The following BRINP3 variants were observed in gnomAD, a reference collection of about 807,000 sequenced individuals.
The protein encoded by BRINP3 is BMP/retinoic acid inducible neural specific 3, also known as BMP/retinoic acid-inducible neural-specific protein 3.
A neutral mutation model predicts 71.0 loss-of-function variants in BRINP3; 19 were observed. The ratio of observed to expected loss-of-function variants is 0.27; its 90% CI spans 0.19 to 0.39. BRINP3 has a LOEUF of 0.39. Among genes scored for constraint, BRINP3 ranks in the 10% least tolerant of loss-of-function variants. The pLI, the probability that BRINP3 is intolerant of heterozygous loss-of-function variation, is 1.00. For missense variants in BRINP3, 959 were observed against 940.8 expected, an observed-to-expected ratio of 1.02 and a Z score of -0.25; for synonymous variants, 380 against 337.7, an observed-to-expected ratio of 1.13 and a Z score of -1.37.
rs150493130 is a variant in BRINP3 at position 190,441,585 on chromosome 1, C to A, written c.236+13070G>T. On this transcript the variant is annotated intron_variant, in intron 2 of 7. Coordinates refer to ENST00000367462, the MANE Select transcript of BRINP3 (RefSeq NM_199051.3). ...TCTGCTAAGATATTTGTCAGTGATG[C>A]AAATGAATACATAGGAGCTATTCCT... Among the ~76,000 whole-genome samples, 248 of 152,028 alleles carry A rather than the reference C, an allele frequency of 1.6e-3. 2 individuals are homozygous for A. Among genetic ancestry groups the A allele is most frequent in the Admixed American group, 0.014 (216 of 15,278 alleles).
At chr1:190,476,586 C>T (rs1677518619) in intron 1 of BRINP3, among the ~76,000 whole-genome samples, 2 of 152,176 alleles carry the variant, frequency 1.3e-5, no homozygotes, top group South Asian at 4.1e-4. Context: ...ACCATATTAA[C>T]ATGCCTATTA....
chr1:190,440,661 A>T (rs1260184843), intron 2 of BRINP3, among the ~76,000 whole-genome samples: 1 of 152,016 alleles, frequency 6.6e-6, no homozygotes, highest in Non-Finnish European at 1.5e-5. Context: ...GGTCGATAAA[A>T]GCATGAAACC....
chr1:190,121,044 T>C (rs1322582062), intron 7 of BRINP3, among the ~76,000 whole-genome samples: 1 of 152,140 alleles, frequency 6.6e-6, no homozygotes, highest in Non-Finnish European at 1.5e-5. Flanking sequence ...GCACAACATG[T>C]TGTCAACCAA....
intron 7 of BRINP3, among the ~76,000 whole-genome samples, chr1:190,153,797 G>T (rs1571856312): frequency 6.6e-6 from 1 of 152,114 alleles, no homozygotes; most frequent in South Asian, 2.1e-4. Flanking sequence ...GGATGTCAAG[G>T]CCACAGTGAG....
At chr1:190,169,200 G>A (rs1003390595) in intron 6 of BRINP3, among the ~76,000 whole-genome samples, 6 of 152,132 alleles carry the variant, frequency 3.9e-5, no homozygotes, top group African/African-American at 1.4e-4. Context: ...AGAGTCTGGT[G>A]ATTCTGTGCA....
At chr1:190,104,631 A>C (rs1651984966) in intron 7 of BRINP3, among the ~76,000 whole-genome samples, 1 of 152,022 alleles carries the variant, frequency 6.6e-6, no homozygotes, top group Non-Finnish European at 1.5e-5. Context: ...CATGATCAAG[A>C]CTATATTGAA....
intron 2 of BRINP3, among the ~76,000 whole-genome samples, chr1:190,426,855 C>A (rs1673740833): frequency 6.6e-6 from 1 of 151,716 alleles, no homozygotes; most frequent in African/African-American, 2.4e-5. Context: ...AAGCAAGTTA[C>A]TTAACTTTCT....
In BRINP3 at chr1:190,431,198, C is replaced by T. The variant is rs1674075270; in HGVS notation, c.236+23457G>A. Among the ~76,000 whole-genome samples, 3 of 152,058 alleles carry T rather than the reference C, an allele frequency of 2.0e-5. No homozygotes were observed. In the South Asian group the frequency reaches 6.2e-4, roughly 32 times the overall value. ...AAATGTAATGAAAATTTGACTAATA[C>T]ATTTAGTATGGCTATTGCTTAATTA... is the stretch of plus-strand genomic sequence containing the variant. On this transcript the variant is annotated intron_variant, in intron 2 of 7. Coordinates refer to ENST00000367462, the MANE Select transcript of BRINP3 (RefSeq NM_199051.3).
At chr1:190,232,750 T>C (rs1658114024) in intron 5 of BRINP3, among the ~76,000 whole-genome samples, 1 of 152,082 alleles carries the variant, frequency 6.6e-6, no homozygotes, top group Non-Finnish European at 1.5e-5. Context: ...CAGACACAAA[T>C]CAATAAATCT....
At chr1:190,194,700 A>G (rs1654328885) in intron 6 of BRINP3, among the ~76,000 whole-genome samples, 1 of 152,108 alleles carries the variant, frequency 6.6e-6, no homozygotes, top group Admixed American at 6.6e-5. Flanking sequence ...ACCTGTTTTT[A>G]AGAAGAATGC....
intron 6 of BRINP3, among the ~76,000 whole-genome samples, chr1:190,179,059 C>A (rs1652807920): frequency 1.3e-5 from 2 of 152,158 alleles, no homozygotes. Flanking sequence ...TCAGCAAACT[C>A]TTTCCTTCAT....
intron 6 of BRINP3, among the ~76,000 whole-genome samples, chr1:190,215,424 G>T (rs867916744): frequency 6.6e-6 from 1 of 151,846 alleles, no homozygotes; most frequent in African/African-American, 2.4e-5. Context: ...TAGCATGTTA[G>T]TTAAAATTCA....
chr1:190,326,288 TAA>T (rs1666574548), intron 2 of BRINP3, among the ~76,000 whole-genome samples: 1 of 152,130 alleles, frequency 6.6e-6, no homozygotes, highest in Non-Finnish European at 1.5e-5. Context: ...TGGAGTTATG[TAA>T]AGTGACCAAA....
intron 1 of BRINP3, among the ~76,000 whole-genome samples, chr1:190,459,135 CAA>C (rs113637584): frequency 2.5e-4 from 24 of 96,188 alleles, no homozygotes; most frequent in Middle Eastern, 8.1e-3. Flanking sequence ...TTCTTTCTCA[CAA>C]AAAAAAAAAA....
intron 2 of BRINP3, among the ~76,000 whole-genome samples, chr1:190,318,135 T>A (rs1360087140): frequency 6.6e-6 from 1 of 152,120 alleles, no homozygotes. Flanking sequence ...GTTTTAAGTT[T>A]AATCTTAATA....
At chr1:190,346,179 T>C (rs974545315) in intron 2 of BRINP3, among the ~76,000 whole-genome samples, 2 of 151,956 alleles carry the variant, frequency 1.3e-5, no homozygotes, top group East Asian at 3.9e-4. Flanking sequence ...ATAAAACAAA[T>C]TTTAAAGACA....
chr1:190,413,737 A>G (rs904883873), intron 2 of BRINP3, among the ~76,000 whole-genome samples: 12 of 152,214 alleles, frequency 7.9e-5, no homozygotes, highest in African/African-American at 2.9e-4. Context: ...ATATATTTCT[A>G]TTATTTTAAG....
At chr1:190,191,628 G>C (rs190611592) in intron 6 of BRINP3, among the ~76,000 whole-genome samples, 1 of 151,932 alleles carries the variant, frequency 6.6e-6, no homozygotes, top group Non-Finnish European at 1.5e-5. Flanking sequence ...GTGTATATGT[G>C]CCACATTTTT....
At chr1:190,391,511 TTAAC>T (rs766042863) in intron 2 of BRINP3, among the ~76,000 whole-genome samples, 43 of 151,738 alleles carry the variant, frequency 2.8e-4, no homozygotes, top group Non-Finnish European at 8.8e-5. Flanking sequence ...CAGTCTTAAA[TTAAC>T]TATTATAAAA....
Sources: allele counts gnomAD v4.1 joint callset (sites outside exome capture counted in the v4.1 genomes callset), GRCh38; gene constraint gnomAD v4.1.1; transcripts MANE v1.5; gene names NCBI Gene and HGNC (gene_info 2026-07-23, HGNC 2026-07-21).